CRACR2A: variants seen among roughly 807,000 people sequenced by gnomAD.
CRACR2A encodes the protein EF-hand calcium-binding domain-containing protein 4B.
A neutral mutation model predicts 90.5 loss-of-function variants in CRACR2A; 79 were observed. The observed-to-expected ratio is 0.87, with a 90% CI of 0.73 to 1.05. CRACR2A has a LOEUF of 1.05. Among genes scored for constraint, CRACR2A ranks in the 50% least tolerant of loss-of-function variants. The probability of loss-of-function intolerance (pLI) is 0.00; values close to 1 mark genes in which losing one functional copy is unlikely to be tolerated. For synonymous variants in CRACR2A, 338 were observed against 356.7 expected, an observed-to-expected ratio of 0.95 and a Z score of 0.59; for missense variants, 823 against 897.2, an observed-to-expected ratio of 0.92 and a Z score of 1.06.
Position 3,660,231 on chromosome 12 carries a change from G to A in CRACR2A, c.672-577C>T, listed in dbSNP as rs550728716. Among the ~76,000 whole-genome samples the A allele has an allele frequency of 3.7e-3, 563 of 152,206 alleles. 1 individual carries two copies. The highest frequency in any genetic ancestry group is 6.1e-3 in the Non-Finnish European group (417 of 68,000). On this transcript the variant is annotated intron_variant, in intron 7 of 19. Transcript: ENST00000440314. The stretch of plus-strand genomic sequence containing the variant: ...CATGTTTCTCATGAGATTCTCAAGA[G>A]ATTCCATGATGATGACAACAAGAGC...
chr12:3,678,807 G>A, intron 6 of CRACR2A, 108 bp downstream of exon 6: 1 of 1,282,930 alleles, frequency 7.8e-7, no homozygotes, highest in Non-Finnish European at 1.1e-6. Context: ...CTGCATTCCA[G>A]TGCAGGGACC....
chr12:3,711,405 T>C lies in CRACR2A; in HGVS notation c.-37+1832A>G, dbSNP rs1309013342. ...GCTTAGATATTTCCTCAGTCAAATATCCAATTTCATCACTTGCAGGTTCTA... is the reference window on the plus strand; with the variant it reads ...GCTTAGATATTTCCTCAGTCAAATACCCAATTTCATCACTTGCAGGTTCTA... On this transcript the variant is annotated intron_variant, in intron 3 of 19. Transcript: ENST00000440314. This position sits in a 1 kb window ranked among gnomAD's most constrained non-coding sequence, Gnocchi z 4.3. Among the ~76,000 whole-genome samples, 1 of 152,260 alleles carries C rather than the reference T, an allele frequency of 6.6e-6. No individual in the cohort carries two copies. The highest frequency in any genetic ancestry group is 1.5e-5 in the Non-Finnish European group (1 of 68,048).
chr12:3,680,541 A>C (rs1221876365), intron 4 of CRACR2A, among the ~76,000 whole-genome samples, 192 bp from the exon 5 acceptor site: 1 of 152,210 alleles, frequency 6.6e-6, no homozygotes, highest in Non-Finnish European at 1.5e-5. Context: ...ACTACCATTG[A>C]TTGGGTGCCT....
At position 3,711,853 on chromosome 12, in the gene CRACR2A, T is replaced by A. The variant is rs139185421; in HGVS notation, c.-37+1384A>T. Among the ~76,000 whole-genome samples, 1,761 of 152,340 alleles carry A rather than the reference T, an allele frequency of 0.012. 14 individuals are homozygous for A. Among genetic ancestry groups the A allele is most frequent in the Middle Eastern group, 0.031 (9 of 294 alleles). ...TACAAGATGCTATACTGAGGTGGAA[T>A]AAAAGGCCATCCAAAGGGCTAAATT... On this transcript the variant is annotated intron_variant, in intron 3 of 19. Coordinates refer to ENST00000440314, the MANE Select transcript of CRACR2A (RefSeq NM_001144958.2). The surrounding 1 kb of genome is among the most constrained non-coding windows in gnomAD (Gnocchi z 4.3).
chr12:3,637,751 C>A (rs985270108), intron 14 of CRACR2A, among the ~76,000 whole-genome samples: 1 of 152,136 alleles, frequency 6.6e-6, no homozygotes, highest in South Asian at 2.1e-4. Context: ...GAAGGACTTG[C>A]GTCAGAAATA....
At chr12:3,681,230 G>C (rs1312318861) in intron 4 of CRACR2A, among the ~76,000 whole-genome samples, 2 of 152,176 alleles carry the variant, frequency 1.3e-5, no homozygotes, top group Non-Finnish European at 2.9e-5. Flanking sequence ...CCGAGTCCAG[G>C]TTCCACTCCA....
chr12:3,682,651 C>T (rs1266456122), intron 4 of CRACR2A, among the ~76,000 whole-genome samples: 2 of 152,110 alleles, frequency 1.3e-5, no homozygotes, highest in African/African-American at 4.8e-5. Context: ...TGTTGGCCCT[C>T]CTTGAAAAAT....
At chr12:3,751,679 C>T (rs970890492) in intron 1 of CRACR2A, among the ~76,000 whole-genome samples, 10 of 152,172 alleles carry the variant, frequency 6.6e-5, no homozygotes, top group Admixed American at 1.3e-4. Flanking sequence ...ACATCCAGGA[C>T]GCCCTCTGCG....
intron 1 of CRACR2A, among the ~76,000 whole-genome samples, chr12:3,743,471 A>C (rs1393814790): frequency 6.6e-6 from 1 of 152,224 alleles, no homozygotes; most frequent in Non-Finnish European, 1.5e-5. Context: ...GTTATGAAGC[A>C]GACCCTGCAA....
chr12:3,732,294 T>G (rs1946371883), intron 2 of CRACR2A: 1 of 152,196 alleles, frequency 6.6e-6, no homozygotes, highest in South Asian at 2.1e-4. Context: ...CTCAAGGAGT[T>G]GACAATCTGA....
chr12:3,631,329 G>A (rs997949619), intron 15 of CRACR2A, among the ~76,000 whole-genome samples: 1 of 152,164 alleles, frequency 6.6e-6, no homozygotes, highest in African/African-American at 2.4e-5. Flanking sequence ...AGGGCCACAA[G>A]TCGAAAATGT....
intron 4 of CRACR2A, among the ~76,000 whole-genome samples, chr12:3,683,765 G>C (rs1256309708): frequency 6.6e-6 from 1 of 152,196 alleles, no homozygotes; most frequent in Non-Finnish European, 1.5e-5. Context: ...GCCCAATGCT[G>C]ACAAACATGG....
intron 2 of CRACR2A, 68 bp from the exon 3 acceptor site, chr12:3,713,385 T>G (rs921141934): frequency 2.2e-6 from 2 of 889,038 alleles, no homozygotes; most frequent in African/African-American, 3.6e-5. Flanking sequence ...AGTGGCTTTA[T>G]AGCAATTTTG....
chr12:3,704,143 T>C (rs893751104), intron 3 of CRACR2A, among the ~76,000 whole-genome samples: 4 of 152,154 alleles, frequency 2.6e-5, no homozygotes, highest in African/African-American at 9.7e-5. Context: ...TTATTTGTAA[T>C]AGCAAAAAAC....
chr12:3,684,890 T>C (rs1565488958), intron 4 of CRACR2A, among the ~76,000 whole-genome samples: 1 of 152,320 alleles, frequency 6.6e-6, no homozygotes, highest in East Asian at 1.9e-4. Flanking sequence ...CTGCTGACCC[T>C]GAAGGCAAGG....
intron 4 of CRACR2A, among the ~76,000 whole-genome samples, chr12:3,687,326 C>T (rs527405939): frequency 4.3e-4 from 66 of 151,930 alleles, no homozygotes; most frequent in African/African-American, 1.2e-3. Flanking sequence ...GTTATTTTTC[C>T]GGATCCTCTC....
intron 4 of CRACR2A, among the ~76,000 whole-genome samples, chr12:3,693,927 C>A (rs1332782385): frequency 1.3e-5 from 2 of 152,132 alleles, no homozygotes; most frequent in African/African-American, 4.8e-5. Context: ...CTTCTCCCTG[C>A]CAAATCGAGT....
intron 2 of CRACR2A, among the ~76,000 whole-genome samples, chr12:3,716,211 A>G (rs894166308): frequency 2.0e-5 from 3 of 152,072 alleles, no homozygotes; most frequent in Admixed American, 2.0e-4. Flanking sequence ...CATTGCCATG[A>G]CCTCTGCTCT....
At chr12:3,719,581 T>C (rs1946127069) in intron 2 of CRACR2A, among the ~76,000 whole-genome samples, 1 of 152,232 alleles carries the variant, frequency 6.6e-6, no homozygotes, top group Non-Finnish European at 1.5e-5. Context: ...TAGATGCTTT[T>C]CATCAGAAGC....
Sources: allele counts gnomAD v4.1 joint callset (sites outside exome capture counted in the v4.1 genomes callset), GRCh38; gene constraint gnomAD v4.1.1; non-coding constraint Gnocchi (gnomAD v3.1); transcripts MANE v1.5; gene names NCBI Gene and HGNC (gene_info 2026-07-23, HGNC 2026-07-21).